RIPOR3: variants seen among roughly 807,000 people sequenced by gnomAD.
RIPOR3 encodes the protein RIPOR family member 3.
In RIPOR3, 95 loss-of-function variants were observed where a neutral mutation model predicts 114.3. The ratio of observed to expected loss-of-function variants is 0.83; its 90% confidence interval spans 0.70 to 0.99. The LOEUF (loss-of-function observed/expected upper bound fraction) is 0.99, where lower values mean the gene tolerates loss of function less well. RIPOR3 is among the 50% of genes least tolerant of loss of function. The pLI is 0.00. For missense variants in RIPOR3, 1,252 were observed against 1,266.9 expected (o/e 0.99, Z 0.18); for synonymous variants, 575 against 543.8 (o/e 1.06, Z -0.80).
chr20:50,642,055 G>A (rs1206473754), intron 1 of RIPOR3, among the ~76,000 whole-genome samples: 5 of 152,132 alleles, frequency 3.3e-5, no homozygotes, highest in African/African-American at 1.2e-4. Flanking sequence ...CCATCCCAGG[G>A]GGAGAGGCTC....
At position 50,609,713 on chromosome 20, in the gene RIPOR3, G is replaced by C; in HGVS notation, c.436C>G (p.Leu146Val). Residue 146 changes from leucine (L) to valine (V), a missense_variant, in exon 7 of 22, where the codon CTG becomes GTG. Transcript: ENST00000327979. ...MEFHISKVDE[L>V]YEDYCIQCRL... ...CACTGGATGCAGTAGTCCTCGTACA[G>C]CTCATCCACCTGTGGTGGGCACACG... 5 of 1,375,130 alleles carry C rather than the reference G, an allele frequency of 3.6e-6. No homozygotes were observed. Among genetic ancestry groups the C allele is most frequent in the Non-Finnish European group, 4.7e-6 (5 of 1,062,226 alleles). The allele number at this position is 1,375,130 out of a possible 1,614,324, so 85.2% of individuals were successfully genotyped here.
At chr20:50,637,585 A>G (rs532490858) in intron 1 of RIPOR3, among the ~76,000 whole-genome samples, 2 of 152,238 alleles carry the variant, frequency 1.3e-5, no homozygotes, top group South Asian at 2.1e-4. Flanking sequence ...TTTTGGGGCC[A>G]GGCACACTCC....
At chr20:50,644,602 G>A (rs999952268) in intron 1 of RIPOR3, among the ~76,000 whole-genome samples, 5 of 149,546 alleles carry the variant, frequency 3.3e-5, no homozygotes, top group Non-Finnish European at 7.4e-5. Flanking sequence ...TCCCACCTCA[G>A]TCTCCTGAGT....
chr20:50,668,190 G>A (rs1437825360), intron 1 of RIPOR3, among the ~76,000 whole-genome samples: 7 of 152,018 alleles, frequency 4.6e-5, no homozygotes, highest in African/African-American at 2.4e-5. Context: ...TCTCTTTTTC[G>A]CTGTGCACAG....
At chr20:50,654,354 A>ATGGGGTT (rs1442089245) in intron 1 of RIPOR3, among the ~76,000 whole-genome samples, 1 of 144,854 alleles carries the variant, frequency 6.9e-6, no homozygotes. Flanking sequence ...TTTAGTAGAG[A>ATGGGGTT]TGGGGTTTCA....
chr20:50,691,387 C>T lies in RIPOR3; in HGVS notation c.-259G>A. On this transcript the variant is annotated 5_prime_UTR_variant, in exon 1 of 22. Transcript: ENST00000327979. Reference sequence around the variant, plus strand: ...GCCCTGCCGGGCTCTGATAATGCAGCCGGGACTCTTATCTGGCCTGTGTCA... The same window carrying T: ...GCCCTGCCGGGCTCTGATAATGCAGTCGGGACTCTTATCTGGCCTGTGTCA... 1 of 349,616 alleles carries T rather than the reference C, an allele frequency of 2.9e-6. No individual in the cohort carries two copies. Among genetic ancestry groups the T allele is most frequent in the Non-Finnish European group, 5.6e-6 (1 of 179,444 alleles). The allele number at this position is 349,616 out of a possible 1,614,324, so 21.7% of individuals were successfully genotyped here.
Position 50,587,089 on chromosome 20 carries a change from A to G in RIPOR3, c.*143T>C, listed in dbSNP as rs2082943194. Reference sequence around the variant, plus strand: ...CAGCCCATGCCCTGGGGCTGGGTCAATGGCCGGAGTCTCAGGTAGAGCTCT... The same window carrying G: ...CAGCCCATGCCCTGGGGCTGGGTCAGTGGCCGGAGTCTCAGGTAGAGCTCT... On this transcript the variant is annotated 3_prime_UTR_variant, in exon 22 of 22. Coordinates refer to ENST00000327979, the MANE Select transcript of RIPOR3 (RefSeq NM_001290268.2). 5 of 659,570 alleles carry G rather than the reference A, an allele frequency of 7.6e-6. No homozygotes were observed. In the Admixed American group the frequency reaches 8.0e-5, roughly 11 times the overall value. The allele number at this position is 659,570 out of a possible 1,614,324, so 40.9% of individuals were successfully genotyped here.
rs144596245 is a variant in RIPOR3 at position 50,593,294 on chromosome 20, C to T, written c.2213-98G>A. 158 of 1,394,480 alleles carry T rather than the reference C, an allele frequency of 1.1e-4. 1 individual carries two copies. In the East Asian group the frequency reaches 2.8e-3, roughly 25 times the overall value. The allele number at this position is 1,394,480 out of a possible 1,614,324, so 86.4% of individuals were successfully genotyped here. A position where few individuals can be genotyped will look rare whatever the true frequency, so the allele number is the denominator to read the frequency against. On this transcript the variant is annotated intron_variant, in intron 17 of 21. Transcript: ENST00000327979. ...TGGTCAGCTAAAAGGCTTTCTGGGC[C>T]GGGCGCAGTGGCTCGCACCTGTAAC...
At chr20:50,688,086 G>T (rs6020693) in intron 1 of RIPOR3, among the ~76,000 whole-genome samples, 1 of 152,070 alleles carries the variant, frequency 6.6e-6, no homozygotes, top group Admixed American at 6.6e-5. Context: ...ATTGATGAAG[G>T]AGTGTAATTC....
Position 50,668,763 on chromosome 20 carries a change from G to A in RIPOR3, c.3+22363C>T, listed in dbSNP as rs112797982. ...TCCCAGCTACTTGGGAGGCTGAGGC[G>A]CGAGAATCACTTGAACCTGGATGGC... On this transcript the variant is annotated intron_variant, in intron 1 of 21. Transcript: ENST00000327979. 8.3e-3 allele frequency among the ~76,000 whole-genome samples: 1,266 copies of A among 151,980 alleles called. 18 individuals are homozygous for A. The highest frequency in any genetic ancestry group is 0.029 in the African/African-American group (1,198 of 41,466).
Position 50,606,911 on chromosome 20 carries a change from G to C in RIPOR3, c.956+1478C>G, listed in dbSNP as rs183514008. Among the ~76,000 whole-genome samples the C allele has an allele frequency of 3.9e-4, 60 of 152,182 alleles. 1 individual carries two copies. The East Asian group carries it at 0.01, about 25-fold the overall frequency. ...CGCCTGGCTAATTTTTGTGTTTTTA[G>C]TAGAGATGGGGTTTCGCCTTGTTGG... On this transcript the variant is annotated intron_variant, in intron 11 of 21. Coordinates refer to ENST00000327979, the MANE Select transcript of RIPOR3 (RefSeq NM_001290268.2).
At chr20:50,600,732 C>G (rs1210372062) in intron 13 of RIPOR3, among the ~76,000 whole-genome samples, 1 of 152,132 alleles carries the variant, frequency 6.6e-6, no homozygotes, top group Non-Finnish European at 1.5e-5. Context: ...TGAACTCCAG[C>G]CTGGGCAACA....
At chr20:50,682,489 C>T (rs1198972723) in intron 1 of RIPOR3, among the ~76,000 whole-genome samples, 1 of 151,900 alleles carries the variant, frequency 6.6e-6, no homozygotes, top group Non-Finnish European at 1.5e-5. Flanking sequence ...CGCCTGTAGT[C>T]CCAGCTACCA....
rs373350051 is a variant in RIPOR3 at position 50,608,529 on chromosome 20, C to T, written c.816G>A (p.Thr272=). Residue 272 remains threonine (T), a synonymous_variant, in exon 11 of 22, where the codon ACG becomes ACA. Coordinates refer to ENST00000327979, the MANE Select transcript of RIPOR3 (RefSeq NM_001290268.2). ...TLHENLDIKV[T]ELRGLGSLAV... ...CCAGCGAGCCCAGGCCCCGCAACTCCGTCACCTGGGGGTGGGGGCTGGAGG... is the reference window on the plus strand; with the variant it reads ...CCAGCGAGCCCAGGCCCCGCAACTCTGTCACCTGGGGGTGGGGGCTGGAGG... The T allele has an allele frequency of 2.8e-5, 45 of 1,613,790 alleles. No homozygotes were observed. In the South Asian group the frequency reaches 3.4e-4, roughly 12 times the overall value.
At chr20:50,666,219 T>TTTCTTTTCTTTTCTTTTCTTTTCTC (rs2086226311) in intron 1 of RIPOR3, among the ~76,000 whole-genome samples, 1 of 119,610 alleles carries the variant, frequency 8.4e-6, no homozygotes, top group African/African-American at 3.6e-5. Context: ...TTTCTTTTCT[T>TTTCTTTTCTTTTCTTTTCTTTTCTC]TTCTTTTTTG....
At chr20:50,615,934 A>T (rs528285357) in intron 4 of RIPOR3, 68 bp downstream of exon 4, 1 of 1,441,148 alleles carries the variant, frequency 6.9e-7, no homozygotes, top group East Asian at 2.4e-5. Context: ...GCTAGAAGGA[A>T]CGCAGGGTTC....
chr20:50,630,915 A>G (rs1017846998), intron 1 of RIPOR3, 59 bp from the exon 2 acceptor site: 20 of 1,381,602 alleles, frequency 1.4e-5, no homozygotes, highest in African/African-American at 1.0e-4. Context: ...TGCCGTCCGC[A>G]GGCCAGCCAC....
intron 1 of RIPOR3, among the ~76,000 whole-genome samples, chr20:50,635,465 G>A (rs542684956): frequency 6.6e-6 from 1 of 152,260 alleles, no homozygotes; most frequent in African/African-American, 2.4e-5. Flanking sequence ...ACCAGCCTGG[G>A]TCTCATAGTG....
chr20:50,673,049 G>T (rs1243547186), intron 1 of RIPOR3, among the ~76,000 whole-genome samples: 1 of 152,230 alleles, frequency 6.6e-6, no homozygotes, highest in Non-Finnish European at 1.5e-5. Context: ...ACCGGTGGAT[G>T]TCCCCACTGC....
Sources: gnomAD v4.1 joint callset for allele counts (sites outside exome capture counted in the v4.1 genomes callset) on GRCh38, gnomAD v4.1.1 for gene constraint, MANE v1.5 for transcripts, NCBI Gene and HGNC (gene_info 2026-07-23, HGNC 2026-07-21) for gene names.